ARRDC4: variants seen among roughly 807,000 people sequenced by gnomAD.
ARRDC4 encodes the protein arrestin domain containing 4, also known as arrestin domain-containing protein 4.
A neutral mutation model predicts 44.6 loss-of-function variants in ARRDC4; 40 were observed. The observed-to-expected ratio is 0.90, with a 90% CI of 0.70 to 1.17. ARRDC4 has a LOEUF of 1.17. Among genes scored for constraint, ARRDC4 ranks in the 50% most tolerant of loss-of-function variants. ARRDC4 has a pLI of 0.00. For missense variants in ARRDC4, 550 were observed against 559.1 expected, an observed-to-expected ratio of 0.98 and a Z score of 0.16; for synonymous variants, 211 against 221.2, an observed-to-expected ratio of 0.95 and a Z score of 0.41.
rs1899392776 is a variant in ARRDC4 at position 97,965,029 on chromosome 15, C to T, written c.308-571C>T. ...ACACACACACACACATATACATATCCATATACACATATATATGTATGTTGG... is the reference window on the plus strand; with the variant it reads ...ACACACACACACACATATACATATCTATATACACATATATATGTATGTTGG... On this transcript the variant is annotated intron_variant, in intron 1 of 7. Coordinates refer to ENST00000268042, the MANE Select transcript of ARRDC4 (RefSeq NM_183376.3). The surrounding 1 kb of genome is among the most constrained non-coding windows in gnomAD (Gnocchi z 5.1). Among the ~76,000 whole-genome samples, 1 of 150,506 alleles carries T rather than the reference C, an allele frequency of 6.6e-6. No homozygotes were observed. The highest frequency in any genetic ancestry group is 2.0e-4 in the East Asian group (1 of 4,980).
Position 97,968,990 on chromosome 15 carries a change from AAT to A in ARRDC4, c.626-130_626-129del, listed in dbSNP as rs1899462918. ...TTTTATTTCTCTGGCTTGAATTTAC[AAT>A]ATGTTTTCCATCAAAGCTTCTCAAT... On this transcript the variant is annotated intron_variant, in intron 4 of 7. Coordinates refer to ENST00000268042, the MANE Select transcript of ARRDC4 (RefSeq NM_183376.3). This position sits in a 1 kb window ranked among gnomAD's most constrained non-coding sequence, Gnocchi z 5.4. 2.1e-6 allele frequency: 2 copies of A among 949,718 alleles called. No homozygotes were observed. The highest frequency in any genetic ancestry group is 3.1e-6 in the Non-Finnish European group (2 of 641,000). The allele number at this position is 949,718 out of a possible 1,614,324, so 58.8% of individuals were successfully genotyped here.
chr15:97,961,289 T>A, intron 1 of ARRDC4, 121 bp downstream of exon 1: 1 of 951,154 alleles, frequency 1.1e-6, no homozygotes. Flanking sequence ...CTTCCGGGGG[T>A]GGGGTCCGGC....
Position 97,965,569 on chromosome 15 carries a change from C to G in ARRDC4, c.308-31C>G. ...AACTCTTGATCTAATACTAACTATC[C>G]TTCATTAAAATAAAATACAATCTCT... On this transcript the variant is annotated intron_variant, in intron 1 of 7. Transcript: ENST00000268042. This position sits in a 1 kb window ranked among gnomAD's most constrained non-coding sequence, Gnocchi z 5.1. 6.5e-7 allele frequency: 1 copy of G among 1,540,232 alleles called. No individual in the cohort carries two copies. Among genetic ancestry groups the G allele is most frequent in the Non-Finnish European group, 9.0e-7 (1 of 1,113,842 alleles).
chr15:97,963,051 G>C (rs553727163), intron 1 of ARRDC4, among the ~76,000 whole-genome samples: 1 of 152,176 alleles, frequency 6.6e-6, no homozygotes, highest in Non-Finnish European at 1.5e-5. Flanking sequence ...CAGAGAGTTG[G>C]TCTCAGTTCT....
chr15:97,966,971 G>A lies in ARRDC4; in HGVS notation c.522+929G>A, dbSNP rs75818944. 0.049 allele frequency among the ~76,000 whole-genome samples: 7,502 copies of A among 152,180 alleles called. 200 individuals carry two copies. The highest frequency in any genetic ancestry group is 0.082 in the African/African-American group (3,398 of 41,530). On this transcript the variant is annotated intron_variant, in intron 3 of 7. Coordinates refer to ENST00000268042, the MANE Select transcript of ARRDC4 (RefSeq NM_183376.3). This position sits in a 1 kb window ranked among gnomAD's most constrained non-coding sequence, Gnocchi z 4.7. ...AAGTTGTTGTTTAAGTCTTATTTTC[G>A]CATGAGAAAGAAATAGAATTTAATG... is the stretch of plus-strand genomic sequence containing the variant.
chr15:97,966,048 T>A lies in ARRDC4; in HGVS notation c.522+6T>A. On this transcript the variant is annotated splice_donor_region_variant and intron_variant, in intron 3 of 7. Coordinates refer to ENST00000268042, the MANE Select transcript of ARRDC4 (RefSeq NM_183376.3). This position sits in a 1 kb window ranked among gnomAD's most constrained non-coding sequence, Gnocchi z 4.7. Reference sequence around the variant, plus strand: ...TCAACACACCAGCATTATTAGTAAGTTCTTCCTTTTTCTCTTCCTCCTCCT... The same window carrying A: ...TCAACACACCAGCATTATTAGTAAGATCTTCCTTTTTCTCTTCCTCCTCCT... The A allele has an allele frequency of 1.2e-6, 2 of 1,613,838 alleles. No individual in the cohort carries two copies. The highest frequency in any genetic ancestry group is 2.2e-5 in the South Asian group (2 of 91,038).
chr15:97,969,856 C>CTCTTTTT lies in ARRDC4; in HGVS notation c.883-26_883-25insCTTTTTT, dbSNP rs754993418. The CTCTTTTT allele has an allele frequency of 5.4e-3, 7,244 of 1,351,056 alleles. 161 individuals carry two copies. In the African/African-American group the frequency reaches 0.066, roughly 12 times the overall value. The allele number at this position is 1,351,056 out of a possible 1,614,324, so 83.7% of individuals were successfully genotyped here. ...GTGTAGCTTACATTTGTTCCTTTCTCTTTTTTTTTTTTTTTTGGCTTATTA... is the reference window on the plus strand; with the variant it reads ...GTGTAGCTTACATTTGTTCCTTTCTCTCTTTTTTTTTTTTTTTTTTTTTGGCTTATTA... On this transcript the variant is annotated intron_variant, in intron 5 of 7. Coordinates refer to ENST00000268042, the MANE Select transcript of ARRDC4 (RefSeq NM_183376.3).
chr15:97,961,127 A>G lies in ARRDC4; in HGVS notation c.266A>G (p.Glu89Gly). ...GCCCTGGCTGTCTTCTCGGAGGTGG[A>G]GTACCTGAACGTGCGCCTCAGCCTG... ...TAALAVFSEVEYLNVRLSLRE... is the reference protein window; with the variant it reads ...TAALAVFSEVGYLNVRLSLRE... The change falls in exon 1 of 8, where the codon GAG becomes GGG. Residue 89 changes from glutamate (E) to glycine (G), a missense_variant. By Grantham distance (98) the Glu-to-Gly change is moderately conservative. Coordinates refer to ENST00000268042, the MANE Select transcript of ARRDC4 (RefSeq NM_183376.3). 2.1e-6 allele frequency: 3 copies of G among 1,458,092 alleles called. No individual in the cohort carries two copies. Among genetic ancestry groups the G allele is most frequent in the African/African-American group, 1.5e-5 (1 of 67,528 alleles). 90.3% of individuals were successfully genotyped at this position (1,458,092 alleles called of 1,614,324 possible).
chr15:97,972,126 T>C lies in ARRDC4; in HGVS notation c.*939T>C, dbSNP rs745994671. On this transcript the variant is annotated 3_prime_UTR_variant, in exon 8 of 8. Coordinates refer to ENST00000268042, the MANE Select transcript of ARRDC4 (RefSeq NM_183376.3). This position sits in a 1 kb window ranked among gnomAD's most constrained non-coding sequence, Gnocchi z 5.3. Reference sequence around the variant, plus strand: ...TTTTTAAATCTCTCGCCCTGAGTACTCTTCTTGGGAGTTGCTGCTGTTTAC... The same window carrying C: ...TTTTTAAATCTCTCGCCCTGAGTACCCTTCTTGGGAGTTGCTGCTGTTTAC... 4.6e-5 allele frequency: 7 copies of C among 152,600 alleles called. No individual in the cohort carries two copies. The highest frequency in any genetic ancestry group is 7.4e-5 in the Non-Finnish European group (5 of 68,002). 9.5% of individuals were successfully genotyped at this position (152,600 alleles called of 1,614,324 possible). A position where few individuals can be genotyped will look rare whatever the true frequency, so the allele number is the denominator to read the frequency against.
At chr15:97,969,552 G>T (rs1464662095) in intron 5 of ARRDC4, among the ~76,000 whole-genome samples, 173 bp downstream of exon 5, 1 of 152,128 alleles carries the variant, frequency 6.6e-6, no homozygotes, top group Non-Finnish European at 1.5e-5. Context: ...TTCCCCACAG[G>T]GGATTTAATA....
In ARRDC4 at chr15:97,966,732, A is replaced by C. The variant is rs1242888386; in HGVS notation, c.522+690A>C. 6.6e-6 allele frequency among the ~76,000 whole-genome samples: 1 copy of C among 152,222 alleles called. No homozygotes were observed. The highest frequency in any genetic ancestry group is 1.5e-5 in the Non-Finnish European group (1 of 68,030). On this transcript the variant is annotated intron_variant, in intron 3 of 7. Coordinates refer to ENST00000268042, the MANE Select transcript of ARRDC4 (RefSeq NM_183376.3). This position sits in a 1 kb window ranked among gnomAD's most constrained non-coding sequence, Gnocchi z 4.7. Reference sequence around the variant, plus strand: ...CTTTTATCTAAACCCATATTATCAAAATAATATAAAATTATACCTTGTACT... The same window carrying C: ...CTTTTATCTAAACCCATATTATCAACATAATATAAAATTATACCTTGTACT...
chr15:97,966,071 C>CCTTTTCCTCCTT lies in ARRDC4; in HGVS notation c.522+31_522+42dup, dbSNP rs770173605. The CCTTTTCCTCCTT allele has an allele frequency of 1.2e-4, 186 of 1,609,102 alleles. No individual in the cohort carries two copies. The highest frequency in any genetic ancestry group is 1.4e-4 in the Non-Finnish European group (168 of 1,176,772). ...AGTTCTTCCTTTTTCTCTTCCTCCT[C>CCTTTTCCTCCTT]CTTTTCCTCCTTCCCTCCCTTCCTC... On this transcript the variant is annotated intron_variant, in intron 3 of 7. Coordinates refer to ENST00000268042, the MANE Select transcript of ARRDC4 (RefSeq NM_183376.3). This position sits in a 1 kb window ranked among gnomAD's most constrained non-coding sequence, Gnocchi z 4.7.
chr15:97,969,889 A>G lies in ARRDC4; in HGVS notation c.889A>G (p.Ile297Val). The G allele has an allele frequency of 6.3e-7, 1 of 1,583,908 alleles. No individual in the cohort carries two copies. Among genetic ancestry groups the G allele is most frequent in the Non-Finnish European group, 8.6e-7 (1 of 1,165,664 alleles). The change falls in exon 6 of 8, where the codon ATT (isoleucine) becomes GTT (valine). Residue 297 changes from isoleucine (I) to valine (V), a missense_variant. By Grantham distance (29) the Ile-to-Val change is conservative. Coordinates refer to ENST00000268042, the MANE Select transcript of ARRDC4 (RefSeq NM_183376.3). The part of the protein sequence containing the change: ...IRVDYSLAVY[I>V]HIPGAKKLML... ...TTTTTTTTTGGCTTATTAGGTATAC[A>G]TTCACATTCCTGGTGCTAAAAAATT...
rs894696252 is a variant in ARRDC4 at position 97,967,666 on chromosome 15, T to C, written c.523-348T>C. ...TTCCACCTGACTTTTATATATAAAG[T>C]CTTAAAAATAATTCTGTCATGTTTA... On this transcript the variant is annotated intron_variant, in intron 3 of 7. Coordinates refer to ENST00000268042, the MANE Select transcript of ARRDC4 (RefSeq NM_183376.3). This position sits in a 1 kb window ranked among gnomAD's most constrained non-coding sequence, Gnocchi z 5.0. Among the ~76,000 whole-genome samples, 7 of 152,144 alleles carry C rather than the reference T, an allele frequency of 4.6e-5. No homozygotes were observed. Among genetic ancestry groups the C allele is most frequent in the Non-Finnish European group, 1.0e-4 (7 of 68,016 alleles).
rs1431143398 is a variant in ARRDC4, at chr15:97,969,390, C to T, written c.882+11C>T. The T allele has an allele frequency of 6.4e-7, 1 of 1,553,632 alleles. No homozygotes were observed. The highest frequency in any genetic ancestry group is 8.7e-7 in the Non-Finnish European group (1 of 1,155,196). On this transcript the variant is annotated intron_variant, in intron 5 of 7. Coordinates refer to ENST00000268042, the MANE Select transcript of ARRDC4 (RefSeq NM_183376.3). ...GACTATTCCTTAGCTGTAAGCAAAG[C>T]TCTTTTTTAAAAAAAAATGTGTATG...
rs982860961 is a variant in ARRDC4 at position 97,965,350 on chromosome 15, C to T, written c.308-250C>T. Among the ~76,000 whole-genome samples the T allele has an allele frequency of 6.6e-6, 1 of 151,990 alleles. No individual in the cohort carries two copies. Among genetic ancestry groups the T allele is most frequent in the Non-Finnish European group, 1.5e-5 (1 of 68,006 alleles). ...TTGGGAGTCTGAGGCAGGAAGATTG[C>T]TTGAGCCCAGGAGTTCAAGGCCGTA... On this transcript the variant is annotated intron_variant, in intron 1 of 7. Transcript: ENST00000268042. The surrounding 1 kb of genome is among the most constrained non-coding windows in gnomAD (Gnocchi z 5.1).
chr15:97,971,201 A>G lies in ARRDC4; in HGVS notation c.*14A>G, dbSNP rs1290314326. 5 of 1,610,972 alleles carry G rather than the reference A, an allele frequency of 3.1e-6. No individual in the cohort carries two copies. Among genetic ancestry groups the G allele is most frequent in the Non-Finnish European group, 3.4e-6 (4 of 1,177,414 alleles). ...TTCATTCTCTGAACGTATTTCAGAA[A>G]TCACTGTGTTCATCATCAAATTAGA... On this transcript the variant is annotated 3_prime_UTR_variant, in exon 8 of 8. Coordinates refer to ENST00000268042, the MANE Select transcript of ARRDC4 (RefSeq NM_183376.3).
chr15:97,969,811 A>C (rs1899476868), intron 5 of ARRDC4, 72 bp from the exon 6 acceptor site: 1 of 1,360,450 alleles, frequency 7.4e-7, no homozygotes, highest in Non-Finnish European at 9.9e-7. Context: ...AAAAGAAATT[A>C]ATTGGGCTAC....
Position 97,973,396 on chromosome 15 carries a change from T to C in ARRDC4, c.*2209T>C, listed in dbSNP as rs1319437912. The C allele has an allele frequency of 1.3e-5, 2 of 152,534 alleles. No individual in the cohort carries two copies. Among genetic ancestry groups the C allele is most frequent in the Non-Finnish European group, 2.9e-5 (2 of 68,022 alleles). The allele number at this position is 152,534 out of a possible 1,614,324, so 9.4% of individuals were successfully genotyped here. ...GGTGTGACTTGCCTTATTGAAATGATACTGGCATATCTGACTGTAAGCAGT... is the reference window on the plus strand; with the variant it reads ...GGTGTGACTTGCCTTATTGAAATGACACTGGCATATCTGACTGTAAGCAGT... On this transcript the variant is annotated 3_prime_UTR_variant, in exon 8 of 8. Transcript: ENST00000268042.
Sources: gnomAD v4.1 joint callset for allele counts (sites outside exome capture counted in the v4.1 genomes callset) on GRCh38, gnomAD v4.1.1 for gene constraint, Gnocchi (gnomAD v3.1) non-coding constraint, MANE v1.5 for transcripts, NCBI Gene and HGNC (gene_info 2026-07-23, HGNC 2026-07-21) for gene names.